The following ELP2 variants were observed in gnomAD, a reference collection of about 807,000 sequenced individuals.
The protein encoded by ELP2 is elongator complex protein 2.
A neutral mutation model predicts 119.2 loss-of-function variants in ELP2; 90 were observed. The observed-to-expected ratio is 0.75, with a 90% CI of 0.64 to 0.90. The LOEUF (loss-of-function observed/expected upper bound fraction) is 0.90, where lower values mean the gene tolerates loss of function less well. Ranked by LOEUF, ELP2 falls within the 40% of genes least tolerant of loss-of-function variation. The pLI is 0.00. For synonymous variants in ELP2, 339 were observed against 331.0 expected (o/e 1.02, Z -0.26); for missense variants, 921 against 967.8 (o/e 0.95, Z 0.64).
At chr18:36,149,833 T>C (rs2090341566) in intron 11 of ELP2, among the ~76,000 whole-genome samples, 2 of 152,220 alleles carry the variant, frequency 1.3e-5, no homozygotes, top group South Asian at 2.1e-4. Flanking sequence ...TCTCCCCTTA[T>C]TTTAGACAAC....
intron 7 of ELP2, 77 bp downstream of exon 7, chr18:36,142,424 T>G: frequency 8.2e-7 from 1 of 1,218,362 alleles, no homozygotes; most frequent in Non-Finnish European, 1.2e-6. Flanking sequence ...CCTTTTTTGT[T>G]TTAATTTTTA....
chr18:36,177,250 A>G lies in ELP2; in HGVS notation c.*2609A>G, dbSNP rs1304868962. On this transcript the variant is annotated 3_prime_UTR_variant, in exon 22 of 22. Coordinates refer to ENST00000358232, the MANE Select transcript of ELP2 (RefSeq NM_018255.4). ...TTATTCACAGTAGCTAAGAGATGGA[A>G]GCAATATGTGCCCATCAGTGGGTGA... The G allele has an allele frequency of 3.9e-5, 6 of 152,224 alleles. No homozygotes were observed. The highest frequency in any genetic ancestry group is 2.0e-4 in the Admixed American group (3 of 15,288). The allele number at this position is 152,224 out of a possible 1,614,324, so 9.4% of individuals were successfully genotyped here.
At chr18:36,170,603 C>T (rs530567174) in intron 20 of ELP2, among the ~76,000 whole-genome samples, 6 of 152,248 alleles carry the variant, frequency 3.9e-5, no homozygotes, top group Admixed American at 1.3e-4. Context: ...CGTATGCCAC[C>T]GTGCCTGGCC....
At chr18:36,169,181 C>T (rs2091001949) in intron 19 of ELP2, among the ~76,000 whole-genome samples, 1 of 151,834 alleles carries the variant, frequency 6.6e-6, no homozygotes, top group Non-Finnish European at 1.5e-5. Flanking sequence ...CCATCTCGAC[C>T]TCCCAAACTG....
intron 3 of ELP2, among the ~76,000 whole-genome samples, chr18:36,137,789 A>G (rs1434709654): frequency 7.5e-6 from 1 of 133,590 alleles, no homozygotes; most frequent in Non-Finnish European, 1.6e-5. Context: ...CCCAAAGTAT[A>G]CTCATATTAT....
chr18:36,158,861 C>T lies in ELP2; in HGVS notation c.1491C>T (p.Ala497=). ...CNQDSDLPEG[A]TVPALGLSNK... ...AAGATAGTGATCTTCCAGAAGGAGC[C>T]ACTGTCCCTGCATTGGGATTATCAA... Residue 497 remains alanine, a synonymous_variant, in exon 14 of 22, where the codon GCC becomes GCT. Transcript: ENST00000358232. The T allele has an allele frequency of 3.7e-6, 6 of 1,610,376 alleles. No individual in the cohort carries two copies. The highest frequency in any genetic ancestry group is 5.1e-6 in the Non-Finnish European group (6 of 1,176,672).
rs537086000 is a variant in ELP2, at chr18:36,155,066, G to T, written c.1275+67G>T. 107 of 1,362,020 alleles carry T rather than the reference G, an allele frequency of 7.9e-5. No homozygotes were observed. The African/African-American group carries it at 1.5e-3, about 19-fold the overall frequency. 84.4% of individuals were successfully genotyped at this position (1,362,020 alleles called of 1,614,324 possible). The stretch of plus-strand genomic sequence containing the variant: ...AGTTTCACATCACCCAGGCTGAAGT[G>T]CAATGGCACGATCTCAGCTCACTGC... On this transcript the variant is annotated intron_variant, in intron 12 of 21. Transcript: ENST00000358232.
intron 17 of ELP2, among the ~76,000 whole-genome samples, chr18:36,162,751 C>G (rs2090777470): frequency 6.6e-6 from 1 of 152,120 alleles, no homozygotes; most frequent in African/African-American, 2.4e-5. Flanking sequence ...TTTAACCGTT[C>G]TAGTAAGTGT....
chr18:36,178,102 T>G lies in ELP2; in HGVS notation c.*3461T>G, dbSNP rs1271452462. On this transcript the variant is annotated 3_prime_UTR_variant, in exon 22 of 22. Transcript: ENST00000358232. ...CTGATGTCCATGTAACAAGCTGCCC[T>G]CCCCAACTCCCTCCTTCCTGTTTCT... The G allele has an allele frequency of 6.6e-6, 1 of 152,174 alleles. No homozygotes were observed. The highest frequency in any genetic ancestry group is 2.4e-5 in the African/African-American group (1 of 41,418). The allele number at this position is 152,174 out of a possible 1,614,324, so 9.4% of individuals were successfully genotyped here.
rs201474546 is a variant in ELP2 at position 36,149,487 on chromosome 18, TG to T, written c.1125+3107del. Among the ~76,000 whole-genome samples the T allele has an allele frequency of 5.4e-3, 708 of 132,172 alleles. 39 individuals carry two copies. The highest frequency in any genetic ancestry group is 0.016 in the African/African-American group (594 of 37,722). The allele number at this position is 132,172 out of a possible 152,430, so 86.7% of individuals were successfully genotyped here. A position where few individuals can be genotyped will look rare whatever the true frequency, so the allele number is the denominator to read the frequency against. On this transcript the variant is annotated intron_variant, in intron 11 of 21. Coordinates refer to ENST00000358232, the MANE Select transcript of ELP2 (RefSeq NM_018255.4). ...AGTTGCAGGGTTTTTTGTTTTGTTT[TG>T]TTTTTTTTTTTTTTGCTTAGAAATC...
intron 19 of ELP2, among the ~76,000 whole-genome samples, chr18:36,168,913 C>CTTTTTTT (rs61459855): frequency 7.2e-5 from 5 of 69,258 alleles, no homozygotes; most frequent in African/African-American, 3.1e-4. Flanking sequence ...CTCTCCATTT[C>CTTTTTTT]TTTTTTTTTT....
intron 6 of ELP2, among the ~76,000 whole-genome samples, chr18:36,141,900 C>T (rs577643324): frequency 3.6e-4 from 55 of 152,012 alleles, no homozygotes; most frequent in African/African-American, 1.3e-3. Flanking sequence ...TTTATTGCCC[C>T]GGCTGGTCTC....
At position 36,137,803 on chromosome 18, in the gene ELP2, CAAAAAAAAAAAA is replaced by C. The variant is rs57722627; in HGVS notation, c.289-454_289-443del. On this transcript the variant is annotated intron_variant, in intron 3 of 21. Transcript: ENST00000358232. ...TCCCAAAGTATACTCATATTATCAC[CAAAAAAAAAAAA>C]AAAAAAAAAAAATTAACATCACGGT... Among the ~76,000 whole-genome samples, 6 of 103,684 alleles carry C rather than the reference CAAAAAAAAAAAA, an allele frequency of 5.8e-5. No homozygotes were observed. The East Asian group carries it at 1.9e-3, about 33-fold the overall frequency. 68.0% of individuals were successfully genotyped at this position (103,684 alleles called of 152,430 possible).
chr18:36,159,608 A>G, intron 14 of ELP2, 127 bp from the exon 15 acceptor site: 3 of 760,878 alleles, frequency 3.9e-6, no homozygotes, highest in Non-Finnish European at 7.0e-6. Flanking sequence ...TTGGAATCAC[A>G]TGGACACAGC....
At chr18:36,144,891 T>A in intron 8 of ELP2, 48 bp from the exon 9 acceptor site, 1 of 1,482,838 alleles carries the variant, frequency 6.7e-7, no homozygotes, top group Non-Finnish European at 9.4e-7. Flanking sequence ...GAAATATTCT[T>A]TTTAGAAGAG....
chr18:36,136,457 C>G (rs1478632659), intron 3 of ELP2, 80 bp downstream of exon 3: 20 of 1,185,254 alleles, frequency 1.7e-5, no homozygotes, highest in Non-Finnish European at 2.0e-5. Flanking sequence ...ACTCTGTCAC[C>G]CAGGCTGACG....
At chr18:36,171,811 G>T (rs774954412) in intron 21 of ELP2, among the ~76,000 whole-genome samples, 1 of 152,192 alleles carries the variant, frequency 6.6e-6, no homozygotes, top group African/African-American at 2.4e-5. Context: ...CCGCCTCCCA[G>T]GCTCAATCAG....
At chr18:36,144,853 A>G (rs1232427861) in intron 8 of ELP2, 86 bp from the exon 9 acceptor site, 12 of 1,113,328 alleles carry the variant, frequency 1.1e-5, no homozygotes, top group Non-Finnish European at 1.6e-5. Context: ...TTTTTTTCTT[A>G]CATAATTGCC....
intron 11 of ELP2, among the ~76,000 whole-genome samples, chr18:36,149,769 T>A (rs1317610386): frequency 6.6e-6 from 1 of 152,128 alleles, no homozygotes; most frequent in Non-Finnish European, 1.5e-5. Flanking sequence ...TCCACTCATG[T>A]TGAGTGTGAG....
Sources: gnomAD v4.1 joint callset for allele counts (sites outside exome capture counted in the v4.1 genomes callset) on GRCh38, gnomAD v4.1.1 for gene constraint, MANE v1.5 for transcripts, NCBI Gene and HGNC (gene_info 2026-07-23, HGNC 2026-07-21) for gene names.